Variants in FBXW11 observed in about 807,000 individuals in gnomAD.
FBXW11 encodes the protein F-box and WD repeat domain containing 11, also known as F-box/WD repeat-containing protein 11.
In FBXW11, 19 loss-of-function variants were observed where a neutral mutation model predicts 77.6. The ratio of observed to expected loss-of-function variants is 0.24; its 90% confidence interval spans 0.17 to 0.36. The LOEUF (loss-of-function observed/expected upper bound fraction) is 0.36. FBXW11 is among the 10% of genes least tolerant of loss of function. The pLI is 1.00. For missense variants in FBXW11, 334 were observed against 704.2 expected (o/e 0.47, Z 5.95); for synonymous variants, 235 against 249.4 (o/e 0.94, Z 0.54).
intron 1 of FBXW11, among the ~76,000 whole-genome samples, chr5:171,992,284 C>A (rs538570566): frequency 6.6e-6 from 1 of 150,656 alleles, no homozygotes; most frequent in Non-Finnish European, 1.5e-5. Context: ...AAAAATTAGC[C>A]GGGTGGGTTG....
chr5:171,895,746 A>T (rs2113862998), intron 6 of FBXW11, among the ~76,000 whole-genome samples: 1 of 152,350 alleles, frequency 6.6e-6, no homozygotes, highest in East Asian at 1.9e-4. Flanking sequence ...CAGCTTTGAC[A>T]ATTCGAGGAT....
intron 1 of FBXW11, among the ~76,000 whole-genome samples, chr5:171,978,734 G>A (rs758784191): frequency 3.9e-5 from 6 of 152,134 alleles, no homozygotes; most frequent in Non-Finnish European, 5.9e-5. Context: ...CCCCAGTCAC[G>A]ACAAAATCAG....
At chr5:171,870,546 T>G (rs181299021) in intron 11 of FBXW11, among the ~76,000 whole-genome samples, 9 of 152,318 alleles carry the variant, frequency 5.9e-5, no homozygotes, top group African/African-American at 1.7e-4. Context: ...ACTCTCCCTC[T>G]GTGTGATTTG....
chr5:171,869,663 A>G lies in FBXW11; in HGVS notation c.1530+66T>C. On this transcript the variant is annotated intron_variant, in intron 12 of 13. Transcript: ENST00000517395. The surrounding 1 kb of genome is among the most constrained non-coding windows in gnomAD (Gnocchi z 4.1). ...AAGCGTTCCTGTGATACACCTAGAC[A>G]GGACTATCTGCAAATGGTCATCCTC... The G allele has an allele frequency of 8.0e-7, 1 of 1,246,028 alleles. No homozygotes were observed. Among genetic ancestry groups the G allele is most frequent in the Admixed American group, 2.2e-5 (1 of 46,318 alleles). The allele number at this position is 1,246,028 out of a possible 1,614,324, so 77.2% of individuals were successfully genotyped here.
intron 11 of FBXW11, among the ~76,000 whole-genome samples, 194 bp downstream of exon 11, chr5:171,870,554 T>C (rs528016071): frequency 6.6e-6 from 1 of 152,274 alleles, no homozygotes; most frequent in African/African-American, 2.4e-5. Flanking sequence ...TCTGTGTGAT[T>C]TGGGGTAAGA....
At chr5:171,899,864 C>T in intron 5 of FBXW11, 50 bp downstream of exon 5, 4 of 1,476,068 alleles carry the variant, frequency 2.7e-6, no homozygotes, top group Non-Finnish European at 3.7e-6. Context: ...ATCAAGCTGA[C>T]TCTATGTCAA....
intron 1 of FBXW11, among the ~76,000 whole-genome samples, chr5:171,981,987 G>T (rs1349876993): frequency 1.3e-5 from 2 of 152,144 alleles, no homozygotes; most frequent in East Asian, 3.8e-4. Flanking sequence ...CTAATCTATA[G>T]TTATAGAAGG....
chr5:171,993,545 G>A (rs911487813), intron 1 of FBXW11, among the ~76,000 whole-genome samples: 4 of 152,060 alleles, frequency 2.6e-5, no homozygotes, highest in African/African-American at 4.8e-5. Context: ...CCTGAGAGGC[G>A]GAGGTTGCAG....
chr5:171,941,652 T>C (rs576372111), intron 2 of FBXW11, among the ~76,000 whole-genome samples: 3 of 151,944 alleles, frequency 2.0e-5, no homozygotes, highest in Admixed American at 6.6e-5. Context: ...TACTTTCAAA[T>C]TGAGAAACAA....
At chr5:171,939,828 T>C (rs1286031781) in intron 2 of FBXW11, among the ~76,000 whole-genome samples, 1 of 151,970 alleles carries the variant, frequency 6.6e-6, no homozygotes, top group Non-Finnish European at 1.5e-5. Flanking sequence ...TCCTCAGGCA[T>C]CAGTTTCAGG....
chr5:171,877,069 A>G (rs1758134189), intron 8 of FBXW11, among the ~76,000 whole-genome samples: 1 of 152,176 alleles, frequency 6.6e-6, no homozygotes, highest in Admixed American at 6.5e-5. Context: ...TAAGGACATG[A>G]TTAAAAGGGG....
At chr5:171,969,748 C>T (rs1192234023) in intron 1 of FBXW11, among the ~76,000 whole-genome samples, 1 of 152,212 alleles carries the variant, frequency 6.6e-6, no homozygotes, top group Non-Finnish European at 1.5e-5. Flanking sequence ...GTCACCCAGG[C>T]TGGAGTACAC....
chr5:172,006,422 G>T, intron 1 of FBXW11, 36 bp downstream of exon 1: 1 of 1,518,896 alleles, frequency 6.6e-7, no homozygotes, highest in Non-Finnish European at 8.9e-7. Flanking sequence ...GGGCCGGACG[G>T]ACGGAAGCAC....
intron 6 of FBXW11, among the ~76,000 whole-genome samples, chr5:171,892,422 G>T (rs1183111749): frequency 6.6e-6 from 1 of 152,212 alleles, no homozygotes; most frequent in East Asian, 1.9e-4. Context: ...AATCGGACTA[G>T]CTGGAAATCA....
At position 172,001,288 on chromosome 5, in the gene FBXW11, A is replaced by AC. The variant is rs565287084; in HGVS notation, c.45+5169dup. On this transcript the variant is annotated intron_variant, in intron 1 of 13. Coordinates refer to ENST00000517395, the MANE Select transcript of FBXW11 (RefSeq NM_001378974.1). ...CTAGAAGAAGAGTTTAGGCACAACC[A>AC]CAAGTTTTTATAATATAATAGGATG... Among the ~76,000 whole-genome samples, 624 of 152,366 alleles carry AC rather than the reference A, an allele frequency of 4.1e-3. 3 individuals are homozygous for AC. Among genetic ancestry groups the AC allele is most frequent in the Middle Eastern group, 6.8e-3 (2 of 292 alleles).
At position 171,876,161 on chromosome 5, in the gene FBXW11, G is replaced by T. The variant is rs1249976259; in HGVS notation, c.1221+124C>A. 9 of 1,188,518 alleles carry T rather than the reference G, an allele frequency of 7.6e-6. No individual in the cohort carries two copies. The highest frequency in any genetic ancestry group is 1.5e-5 in the African/African-American group (1 of 66,620). The allele number at this position is 1,188,518 out of a possible 1,614,324, so 73.6% of individuals were successfully genotyped here. Reference sequence around the variant, plus strand: ...ATATACAGAGTGGGATGGCCTCAAGGGTTCATAAGCACAGAGGAGAATAAA... The same window carrying T: ...ATATACAGAGTGGGATGGCCTCAAGTGTTCATAAGCACAGAGGAGAATAAA... On this transcript the variant is annotated intron_variant, in intron 9 of 13. Coordinates refer to ENST00000517395, the MANE Select transcript of FBXW11 (RefSeq NM_001378974.1). The surrounding 1 kb of genome is among the most constrained non-coding windows in gnomAD (Gnocchi z 4.2).
intron 1 of FBXW11, among the ~76,000 whole-genome samples, chr5:171,967,873 TATATATATATACACACAC>T (rs1472287637): frequency 5.7e-4 from 29 of 50,498 alleles, no homozygotes; most frequent in South Asian, 1.7e-3. Flanking sequence ...TATATATATA[TATATATATATACACACAC>T]ACACACACAC....
At chr5:171,937,747 G>C (rs2113143184) in intron 2 of FBXW11, among the ~76,000 whole-genome samples, 1 of 150,114 alleles carries the variant, frequency 6.7e-6, no homozygotes, top group South Asian at 2.1e-4. Context: ...AGGATCACTT[G>C]AACCTGGGAG....
rs1045240671 is a variant in FBXW11 at position 171,932,338 on chromosome 5, A to G, written c.148-17933T>C. ...AGTCATCAGGTAAATACAAATTAAA[A>G]CAAAATACCACAACACATCTATCAG... On this transcript the variant is annotated intron_variant, in intron 2 of 13. Coordinates refer to ENST00000517395, the MANE Select transcript of FBXW11 (RefSeq NM_001378974.1). 2.0e-5 allele frequency among the ~76,000 whole-genome samples: 3 copies of G among 152,360 alleles called. No individual in the cohort carries two copies. In the East Asian group the frequency reaches 5.8e-4, roughly 29 times the overall value.
Sources: allele counts gnomAD v4.1 joint callset (sites outside exome capture counted in the v4.1 genomes callset), GRCh38; gene constraint gnomAD v4.1.1; non-coding constraint Gnocchi (gnomAD v3.1); transcripts MANE v1.5; gene names NCBI Gene and HGNC (gene_info 2026-07-23, HGNC 2026-07-21).